SYN3: variants seen among roughly 807,000 people sequenced by gnomAD.
The protein encoded by SYN3 is synapsin III.
In SYN3, 35 loss-of-function variants were observed where a neutral mutation model predicts 65.8. The ratio of observed to expected loss-of-function variants is 0.53; its 90% CI spans 0.41 to 0.70. SYN3 has a LOEUF of 0.70. Among genes scored for constraint, SYN3 ranks in the 30% least tolerant of loss-of-function variants. The pLI, the probability that SYN3 is intolerant of heterozygous loss-of-function variation, is 0.00. For synonymous variants in SYN3, 270 were observed against 292.9 expected (o/e 0.92, Z 0.80); for missense variants, 680 against 749.0 (o/e 0.91, Z 1.08).
chr22:33,045,562 G>A (rs1336835465), intron 1 of SYN3, among the ~76,000 whole-genome samples: 4 of 147,000 alleles, frequency 2.7e-5, no homozygotes, highest in African/African-American at 1.0e-4. Flanking sequence ...CTGCCTCCCG[G>A]GTTCATGCCG....
chr22:32,630,827 A>C (rs1331762415), intron 6 of SYN3, among the ~76,000 whole-genome samples: 1 of 152,170 alleles, frequency 6.6e-6, no homozygotes, highest in African/African-American at 2.4e-5. Flanking sequence ...CACAGGCTAC[A>C]GGTGTGTTCC....
chr22:32,747,305 A>AAAAACAAAACAAAACAAAAC (rs60455960), intron 6 of SYN3, among the ~76,000 whole-genome samples: 1,890 of 150,478 alleles, frequency 0.013, 17 homozygotes, highest in South Asian at 0.016. Flanking sequence ...TTCCAAGACC[A>AAAAACAAAACAAAACAAAAC]AAAACAAAAC....
At chr22:32,798,611 A>T (rs1172979531) in intron 6 of SYN3, among the ~76,000 whole-genome samples, 1 of 151,432 alleles carries the variant, frequency 6.6e-6, no homozygotes, top group Non-Finnish European at 1.5e-5. Context: ...AAACTTACTC[A>T]GTTCTTCCCA....
chr22:32,768,817 T>G (rs149968058), intron 6 of SYN3, among the ~76,000 whole-genome samples: 2 of 152,196 alleles, frequency 1.3e-5, no homozygotes, highest in Admixed American at 1.3e-4. Context: ...TCATATGTCC[T>G]TCTCCTCTAG....
intron 6 of SYN3, among the ~76,000 whole-genome samples, chr22:32,605,519 C>G (rs1474024789): frequency 6.6e-6 from 1 of 152,194 alleles, no homozygotes; most frequent in Non-Finnish European, 1.5e-5. Flanking sequence ...TATATCGCCC[C>G]ACGTAAGCCT....
At chr22:32,724,655 A>C (rs1213100741) in intron 6 of SYN3, among the ~76,000 whole-genome samples, 3 of 152,352 alleles carry the variant, frequency 2.0e-5, no homozygotes, top group South Asian at 2.1e-4. Flanking sequence ...TTAAATGCCC[A>C]GTAAGTGACA....
intron 6 of SYN3, among the ~76,000 whole-genome samples, chr22:32,728,192 T>C (rs2061223202): frequency 6.6e-6 from 1 of 152,246 alleles, no homozygotes; most frequent in Admixed American, 6.5e-5. Context: ...AAAGGTTTCA[T>C]GATGAAGATG....
At chr22:32,623,686 G>T (rs1253742101) in intron 6 of SYN3, among the ~76,000 whole-genome samples, 2 of 152,176 alleles carry the variant, frequency 1.3e-5, no homozygotes, top group African/African-American at 4.8e-5. Context: ...AATATTTATT[G>T]ATTTCTTTAA....
At chr22:32,722,430 G>T (rs1412144603) in intron 6 of SYN3, among the ~76,000 whole-genome samples, 1 of 152,190 alleles carries the variant, frequency 6.6e-6, no homozygotes, top group Admixed American at 6.5e-5. Context: ...AAGGAAAAAA[G>T]GTGAATGGAG....
intron 6 of SYN3, among the ~76,000 whole-genome samples, chr22:32,661,952 AT>A (rs1421182784): frequency 2.0e-5 from 3 of 152,228 alleles, no homozygotes; most frequent in South Asian, 2.1e-4. Context: ...ACAAAGGATA[AT>A]TTTTTTCCAT....
chr22:32,582,811 C>T (rs144104717), intron 7 of SYN3, among the ~76,000 whole-genome samples: 76 of 152,316 alleles, frequency 5.0e-4, no homozygotes, highest in Non-Finnish European at 5.7e-4. Context: ...CCCAGATCAT[C>T]TGAATCGGTG....
At chr22:32,926,367 T>A (rs751517261) in intron 4 of SYN3, among the ~76,000 whole-genome samples, 3 of 152,250 alleles carry the variant, frequency 2.0e-5, no homozygotes, top group Non-Finnish European at 4.4e-5. Flanking sequence ...TAATCTCCAA[T>A]AATCAGGAAC....
intron 6 of SYN3, among the ~76,000 whole-genome samples, chr22:32,678,677 C>G (rs1330460778): frequency 6.6e-6 from 1 of 151,986 alleles, no homozygotes; most frequent in Non-Finnish European, 1.5e-5. Flanking sequence ...TCCTCCTCCT[C>G]CTCCTCTTTC....
intron 6 of SYN3, among the ~76,000 whole-genome samples, chr22:32,687,895 C>T (rs898803170): frequency 6.6e-6 from 1 of 152,144 alleles, no homozygotes; most frequent in African/African-American, 2.4e-5. Context: ...CTGTTATCAT[C>T]TCAGCCCAAA....
intron 6 of SYN3, among the ~76,000 whole-genome samples, chr22:32,771,269 T>C (rs1158947968): frequency 6.6e-6 from 1 of 152,240 alleles, no homozygotes; most frequent in African/African-American, 2.4e-5. Context: ...TAGTATTCCA[T>C]GGTATATAAC....
intron 6 of SYN3, among the ~76,000 whole-genome samples, chr22:32,611,284 G>GTTTT (rs1201383074): frequency 1.1e-3 from 104 of 94,494 alleles, no homozygotes; most frequent in Admixed American, 3.1e-3. Context: ...TTTTTTTTTT[G>GTTTT]TTTTTTTTTT....
At chr22:32,604,807 C>A (rs927085759) in intron 6 of SYN3, among the ~76,000 whole-genome samples, 3 of 151,984 alleles carry the variant, frequency 2.0e-5, no homozygotes, top group Non-Finnish European at 2.9e-5. Flanking sequence ...AGATCGAGAC[C>A]ATCCTGGCTA....
At chr22:32,912,536 T>C (rs879552540) in intron 4 of SYN3, among the ~76,000 whole-genome samples, 1 of 151,850 alleles carries the variant, frequency 6.6e-6, no homozygotes, top group Admixed American at 6.6e-5. Context: ...CGCAACATAG[T>C]GAGACCCCCC....
intron 7 of SYN3, among the ~76,000 whole-genome samples, chr22:32,557,010 A>G (rs1569035681): frequency 6.6e-6 from 1 of 151,996 alleles, no homozygotes; most frequent in African/African-American, 2.4e-5. Flanking sequence ...TTAAAAGGAT[A>G]TCACACTTTT....
Sources: allele counts gnomAD v4.1 joint callset (sites outside exome capture counted in the v4.1 genomes callset), GRCh38; gene constraint gnomAD v4.1.1; transcripts MANE v1.5; gene names NCBI Gene and HGNC (gene_info 2026-07-23, HGNC 2026-07-21).